Variants in PPM1N observed in about 807,000 individuals in gnomAD.
The protein encoded by PPM1N is protein phosphatase, Mg2+/Mn2+ dependent 1N (putative), also known as probable protein phosphatase 1N.
PPM1N carries 35 observed loss-of-function variants against 32.6 expected under a neutral mutation model. The ratio of observed to expected loss-of-function variants is 1.07; its 90% confidence interval spans 0.82 to 1.43. The LOEUF is 1.43. Ranked by LOEUF, PPM1N falls within the 40% of genes most tolerant of loss-of-function variation. The pLI is 0.00. For synonymous variants in PPM1N, 275 were observed against 270.5 expected (o/e 1.02, Z -0.16); for missense variants, 648 against 606.6 (o/e 1.07, Z -0.72).
In PPM1N at chr19:45,498,615, C is replaced by T; in HGVS notation, c.143C>T (p.Ala48Val). The T allele has an allele frequency of 1.4e-6, 2 of 1,419,542 alleles. No individual in the cohort carries two copies. 87.9% of individuals were successfully genotyped at this position (1,419,542 alleles called of 1,614,324 possible). A position where few individuals can be genotyped will look rare whatever the true frequency, so the allele number is the denominator to read the frequency against. ...GAAGGGCCTCGGTCTCTGTTGACAG[C>T]GCCGCGCCGCGCCCAGCGGCCGCAC... is the stretch of plus-strand genomic sequence containing the variant. ...APEGPRSLLT[A>V]PRRAQRPHGG... The change falls in exon 1 of 5, where the codon GCG (alanine) becomes GTG (valine). Residue 48 changes from alanine (A) to valine (V), a missense_variant. By Grantham distance (64) the Ala-to-Val change is moderately conservative. Coordinates refer to ENST00000451287, the MANE Select transcript of PPM1N (RefSeq NM_001080401.2).
At position 45,498,496 on chromosome 19, in the gene PPM1N, G is replaced by T; in HGVS notation, c.24G>T (p.Leu8=). 2 of 1,358,756 alleles carry T rather than the reference G, an allele frequency of 1.5e-6. No homozygotes were observed. The highest frequency in any genetic ancestry group is 9.5e-7 in the Non-Finnish European group (1 of 1,053,862). The allele number at this position is 1,358,756 out of a possible 1,614,324, so 84.2% of individuals were successfully genotyped here. A position where few individuals can be genotyped will look rare whatever the true frequency, so the allele number is the denominator to read the frequency against. MAVLARQ[L]QRLLWTACKK... is the part of the protein sequence containing the mutation. ...GGATGGCGGTCCTGGCCCGCCAGCT[G>T]CAGCGTCTCCTCTGGACCGCTTGCA... The change falls in exon 1 of 5, where the codon CTG becomes CTT. Residue 8 remains leucine, a synonymous_variant. Coordinates refer to ENST00000451287, the MANE Select transcript of PPM1N (RefSeq NM_001080401.2).
chr19:45,501,921 T>G, intron 4 of PPM1N, 96 bp from the exon 5 acceptor site: 29 of 798,220 alleles, frequency 3.6e-5, no homozygotes, highest in Non-Finnish European at 5.3e-5. Context: ...TAATGGATTG[T>G]GAGATGGGAT....
rs772928478 is a variant in PPM1N, at chr19:45,499,696, AT to A, written c.940-251del. ...GGGTCGTAGGAGCCGGGCCGGAAGT[AT>A]TGATTAGTGCTGGAAGGTGGAAGAG... On this transcript the variant is annotated intron_variant, in intron 1 of 4. Coordinates refer to ENST00000451287, the MANE Select transcript of PPM1N (RefSeq NM_001080401.2). The A allele has an allele frequency of 5.2e-6, 8 of 1,547,348 alleles. No individual in the cohort carries two copies. The African/African-American group carries it at 1.1e-4, about 21-fold the overall frequency.
rs780579327 is a variant in PPM1N at position 45,499,126 on chromosome 19, C to T, written c.654C>T (p.Ile218=). 2.6e-5 allele frequency: 39 copies of T among 1,513,366 alleles called. No homozygotes were observed. Among genetic ancestry groups the T allele is most frequent in the Non-Finnish European group, 3.4e-5 (39 of 1,140,086 alleles). 93.7% of individuals were successfully genotyped at this position (1,513,366 alleles called of 1,614,324 possible). A position where few individuals can be genotyped will look rare whatever the true frequency, so the allele number is the denominator to read the frequency against. ...GCATCCACGCCGCTGGCGGCACCATCCGCCGCCGCCGCGTCGAGGGCTCTC... is the reference window on the plus strand; with the variant it reads ...GCATCCACGCCGCTGGCGGCACCATTCGCCGCCGCCGCGTCGAGGGCTCTC... ...RERIHAAGGT[I]RRRRVEGSLA... Residue 218 remains isoleucine, a synonymous_variant, in exon 1 of 5, where the codon ATC becomes ATT. Transcript: ENST00000451287.
At chr19:45,501,891 G>A (rs1968419274) in intron 4 of PPM1N, 126 bp from the exon 5 acceptor site, 3 of 571,690 alleles carry the variant, frequency 5.2e-6, no homozygotes, top group Non-Finnish European at 8.6e-6. Context: ...TTGGGGTTGG[G>A]GTCCACTCCA....
chr19:45,500,333 C>T, intron 2 of PPM1N, 123 bp from the exon 3 acceptor site: 1 of 885,856 alleles, frequency 1.1e-6, no homozygotes. Flanking sequence ...CGGGGTTTCA[C>T]GATGTTGTCC....
At position 45,499,169 on chromosome 19, in the gene PPM1N, T is replaced by C. The variant is rs761480146; in HGVS notation, c.697T>C (p.Leu233=). Residue 233 remains leucine, a synonymous_variant, in exon 1 of 5, where the codon TTG becomes CTG. Transcript: ENST00000451287. ...VEGSLAVSRA[L]GDFTYKEAPG... ...GGGCTCTCTGGCCGTGTCGCGAGCG[T>C]TGGGCGACTTTACCTACAAGGAGGC... 6.5e-7 allele frequency: 1 copy of C among 1,528,646 alleles called. No individual in the cohort carries two copies. Among genetic ancestry groups the C allele is most frequent in the Non-Finnish European group, 8.7e-7 (1 of 1,145,218 alleles). 94.7% of individuals were successfully genotyped at this position (1,528,646 alleles called of 1,614,324 possible). A position where few individuals can be genotyped will look rare whatever the true frequency, so the allele number is the denominator to read the frequency against.
chr19:45,498,619 G>T lies in PPM1N; in HGVS notation c.147G>T (p.Pro49=). ...GGCCTCGGTCTCTGTTGACAGCGCC[G>T]CGCCGCGCCCAGCGGCCGCACGGGG... is the stretch of plus-strand genomic sequence containing the variant. ...PEGPRSLLTA[P]RRAQRPHGGA... The change falls in exon 1 of 5, where the codon CCG becomes CCT. Residue 49 remains proline (P), a synonymous_variant. Transcript: ENST00000451287. The T allele has an allele frequency of 7.0e-7, 1 of 1,420,112 alleles. No homozygotes were observed. 88.0% of individuals were successfully genotyped at this position (1,420,112 alleles called of 1,614,324 possible).
chr19:45,499,983 G>T lies in PPM1N; in HGVS notation c.974G>T (p.Cys325Phe). ...GACAACATGACCTGCATCCTGGTCT[G>T]CTTCCCTGGGGCCCCTAGGCCTTCT... ...SLDNMTCILV[C>F]FPGAPRPSEE... The change falls in exon 2 of 5, where the codon TGC becomes TTC. Residue 325 changes from cysteine (C) to phenylalanine (F), a missense_variant. Physicochemically the swap from Cys to Phe is radical, Grantham distance 205. Transcript: ENST00000451287. The T allele has an allele frequency of 6.2e-7, 1 of 1,601,190 alleles. No homozygotes were observed.
At chr19:45,500,115 G>A in intron 2 of PPM1N, 49 bp downstream of exon 2, 1 of 1,522,384 alleles carries the variant, frequency 6.6e-7, no homozygotes, top group Non-Finnish European at 8.8e-7. Context: ...GCCAGTGAAG[G>A]CTGTGCCATA....
intron 1 of PPM1N, chr19:45,499,742 G>A (rs112186390): frequency 1.3e-6 from 2 of 1,530,646 alleles, no homozygotes; most frequent in Non-Finnish European, 1.8e-6. Context: ...ATCAGAGCGG[G>A]CGGAGCTTTA....
Position 45,498,844 on chromosome 19 carries a change from G to A in PPM1N, c.372G>A (p.Gln124=). The A allele has an allele frequency of 6.5e-7, 1 of 1,537,458 alleles. No individual in the cohort carries two copies. Among genetic ancestry groups the A allele is most frequent in the East Asian group, 2.5e-5 (1 of 40,116 alleles). Residue 124 remains glutamine (Q), a synonymous_variant, in exon 1 of 5, where the codon CAG becomes CAA. Coordinates refer to ENST00000451287, the MANE Select transcript of PPM1N (RefSeq NM_001080401.2). The part of the protein sequence containing the change: ...GARHLPGHVL[Q]ELGPEPSEPE... ...GCCATTTGCCAGGCCATGTGCTCCA[G>A]GAGCTGGGCCCGGAGCCTAGCGAGC...
rs1968398911 is a variant in PPM1N, at chr19:45,500,634, T to C, written c.1164-16T>C. 1 of 1,599,234 alleles carries C rather than the reference T, an allele frequency of 6.3e-7. No homozygotes were observed. The highest frequency in any genetic ancestry group is 8.5e-7 in the Non-Finnish European group (1 of 1,172,844). ...GGAGGAGAGTCCCCTCCTGAGGGCCTTCCTGTGCTCTCCAGGGCCACTGTC... is the reference window on the plus strand; with the variant it reads ...GGAGGAGAGTCCCCTCCTGAGGGCCCTCCTGTGCTCTCCAGGGCCACTGTC... On this transcript the variant is annotated splice_polypyrimidine_tract_variant and intron_variant, in intron 3 of 4. Transcript: ENST00000451287.
chr19:45,502,051 C>A lies in PPM1N; in HGVS notation c.1259C>A (p.Thr420Lys), dbSNP rs769702375. The change falls in exon 5 of 5, where the codon ACG (threonine) becomes AAG (lysine). Residue 420 changes from threonine (T) to lysine (K), a missense_variant. Physicochemically the swap from Thr to Lys is moderately conservative, Grantham distance 78. Transcript: ENST00000451287. The stretch of plus-strand genomic sequence containing the variant: ...GATGGGGCTGGGAAGTCCAACCCCA[C>A]GCATTTGGGCTCAGCCTTGGACATG... Reference protein sequence around the residue: ...GQDGAGKSNPTHLGSALDMEA With the variant: ...GQDGAGKSNPKHLGSALDMEA The A allele has an allele frequency of 1.9e-6, 3 of 1,548,122 alleles. No individual in the cohort carries two copies. Among genetic ancestry groups the A allele is most frequent in the East Asian group, 5.0e-5 (2 of 39,662 alleles).
At position 45,499,325 on chromosome 19, in the gene PPM1N, C is replaced by A. The variant is rs143040880; in HGVS notation, c.853C>A (p.Leu285Met). 15,367 of 1,612,900 alleles carry A rather than the reference C, an allele frequency of 9.5e-3. 219 individuals carry two copies. Among genetic ancestry groups the A allele is most frequent in the Non-Finnish European group, 9.1e-3 (10,691 of 1,179,812 alleles). The change falls in exon 1 of 5, where the codon CTG becomes ATG. Residue 285 changes from leucine (L) to methionine (M), a missense_variant. Physicochemically the swap from Leu to Met is conservative, Grantham distance 15. Coordinates refer to ENST00000451287, the MANE Select transcript of PPM1N (RefSeq NM_001080401.2). ...GVWDTVSGAALAGLVASRLRL... is the reference protein window; with the variant it reads ...GVWDTVSGAAMAGLVASRLRL... Reference sequence around the variant, plus strand: ...CTGGGACACTGTGTCTGGTGCTGCCCTGGCGGGACTGGTGGCTTCACGCCT... The same window carrying A: ...CTGGGACACTGTGTCTGGTGCTGCCATGGCGGGACTGGTGGCTTCACGCCT...
intron 4 of PPM1N, among the ~76,000 whole-genome samples, chr19:45,501,143 C>T (rs1260107860): frequency 6.6e-6 from 1 of 152,172 alleles, no homozygotes; most frequent in Non-Finnish European, 1.5e-5. Flanking sequence ...CAACGCTCTG[C>T]AGTGCCCCAT....
chr19:45,499,400 T>A lies in PPM1N; in HGVS notation c.928T>A (p.Cys310Ser). ...ELLCAQLLDTCLCKGSLDNMT... is the reference protein window; with the variant it reads ...ELLCAQLLDTSLCKGSLDNMT... ...TCTCTGCGCGCAGCTGTTGGACACG[T>A]GTCTGTGCAAGGTCCTGGGGGCGTG... Residue 310 changes from cysteine to serine, a missense_variant, in exon 1 of 5, where the codon TGT (cysteine) becomes AGT (serine). Coordinates refer to ENST00000451287, the MANE Select transcript of PPM1N (RefSeq NM_001080401.2). 1 of 1,604,724 alleles carries A rather than the reference T, an allele frequency of 6.2e-7. No homozygotes were observed. Among genetic ancestry groups the A allele is most frequent in the Non-Finnish European group, 8.5e-7 (1 of 1,176,140 alleles).
In PPM1N at chr19:45,500,012, G is replaced by C; in HGVS notation, c.1003G>C (p.Glu335Gln). 1 of 1,604,318 alleles carries C rather than the reference G, an allele frequency of 6.2e-7. No homozygotes were observed. The highest frequency in any genetic ancestry group is 8.5e-7 in the Non-Finnish European group (1 of 1,175,210). Reference protein sequence around the residue: ...CFPGAPRPSEEAIRRELALDA... With the variant: ...CFPGAPRPSEQAIRRELALDA... ...CCCTGGGGCCCCTAGGCCTTCTGAG[G>C]AGGCGATCAGGAGGGAGCTAGCACT... Residue 335 changes from glutamate (E) to glutamine (Q), a missense_variant, in exon 2 of 5, where the codon GAG becomes CAG. Glu to Gln is a conservative substitution (Grantham distance 29, BLOSUM62 2). Coordinates refer to ENST00000451287, the MANE Select transcript of PPM1N (RefSeq NM_001080401.2).
At position 45,502,114 on chromosome 19, in the gene PPM1N, T is replaced by G; in HGVS notation, c.*29T>G. 6.5e-7 allele frequency: 1 copy of G among 1,549,678 alleles called. No individual in the cohort carries two copies. The highest frequency in any genetic ancestry group is 8.8e-7 in the Non-Finnish European group (1 of 1,133,112). On this transcript the variant is annotated 3_prime_UTR_variant, in exon 5 of 5. Transcript: ENST00000451287. ...CTGTTGTCCTTTGGGGATCCTTTGCTTCTCTGGGGCCTCAACAGAACTAAA... is the reference window on the plus strand; with the variant it reads ...CTGTTGTCCTTTGGGGATCCTTTGCGTCTCTGGGGCCTCAACAGAACTAAA...
Sources: gnomAD v4.1 joint callset for allele counts (sites outside exome capture counted in the v4.1 genomes callset) on GRCh38, gnomAD v4.1.1 for gene constraint, MANE v1.5 for transcripts, NCBI Gene and HGNC (gene_info 2026-07-23, HGNC 2026-07-21) for gene names.